Variants in CDC42EP3 observed in about 807,000 individuals in gnomAD.
The protein encoded by CDC42EP3 is CDC42 effector protein (Rho GTPase binding) 3.
In CDC42EP3, 4 loss-of-function variants were observed where a neutral mutation model predicts 15.5. The ratio of observed to expected loss-of-function variants is 0.26; its 90% CI spans 0.13 to 0.59. The LOEUF is 0.59. Among genes scored for constraint, CDC42EP3 ranks in the 20% least tolerant of loss-of-function variants. The pLI, the probability that CDC42EP3 is intolerant of heterozygous loss-of-function variation, is 0.89. For missense variants in CDC42EP3, 309 were observed against 311.2 expected (o/e 0.99, Z 0.05); for synonymous variants, 145 against 130.3 (o/e 1.11, Z -0.77).
chr2:37,657,702 T>C (rs1043138344), intron 1 of CDC42EP3, among the ~76,000 whole-genome samples: 1 of 152,228 alleles, frequency 6.6e-6, no homozygotes, highest in Admixed American at 6.5e-5. Context: ...CCTATTCATT[T>C]ATGTACTGTC....
chr2:37,665,865 G>GA (rs11393221), intron 1 of CDC42EP3, among the ~76,000 whole-genome samples: 142,936 of 152,194 alleles, frequency 0.94, 67,176 homozygotes, highest in East Asian at 1. Context: ...CTGGCTCACT[G>GA]TTCTGGAGCC....
At chr2:37,666,152 G>A (rs566342171) in intron 1 of CDC42EP3, among the ~76,000 whole-genome samples, 2 of 152,096 alleles carry the variant, frequency 1.3e-5, no homozygotes, top group African/African-American at 4.8e-5. Context: ...GGGTTGCTTC[G>A]GCTCTGTAGG....
intron 1 of CDC42EP3, among the ~76,000 whole-genome samples, chr2:37,652,174 CAAAAAAAAAAAAAA>C (rs61407687): frequency 7.7e-5 from 3 of 39,128 alleles, no homozygotes; most frequent in African/African-American, 3.6e-4. Context: ...GACTCCCTCT[CAAAAAAAAAAAAAA>C]AAAAAAAAAA....
Position 37,642,620 on chromosome 2 carries a change from A to AT in CDC42EP3, c.*3202dup. The AT allele has an allele frequency of 6.6e-6, 1 of 152,342 alleles. No homozygotes were observed. The allele number at this position is 152,342 out of a possible 1,614,324, so 9.4% of individuals were successfully genotyped here. A position where few individuals can be genotyped will look rare whatever the true frequency, so the allele number is the denominator to read the frequency against. Reference sequence around the variant, plus strand: ...TGTTTATATATTTCACAGTAAAATGATTCAGTCTTGCCAGGTTCCATATTA... The same window carrying AT: ...TGTTTATATATTTCACAGTAAAATGATTTCAGTCTTGCCAGGTTCCATATTA... On this transcript the variant is annotated 3_prime_UTR_variant, in exon 2 of 2. Coordinates refer to ENST00000295324, the MANE Select transcript of CDC42EP3 (RefSeq NM_006449.5).
chr2:37,662,991 C>G (rs1666118183), intron 1 of CDC42EP3, among the ~76,000 whole-genome samples: 1 of 152,176 alleles, frequency 6.6e-6, no homozygotes, highest in Admixed American at 6.5e-5. Flanking sequence ...ACGGTGAAAG[C>G]CAGTCTCTAC....
intron 1 of CDC42EP3, among the ~76,000 whole-genome samples, chr2:37,667,544 C>G (rs1666283773): frequency 6.6e-6 from 1 of 152,150 alleles, no homozygotes; most frequent in South Asian, 2.1e-4. Context: ...CACATTTTCA[C>G]CTAGTAAATC....
intron 1 of CDC42EP3, among the ~76,000 whole-genome samples, chr2:37,657,771 A>T: frequency 6.6e-6 from 1 of 152,132 alleles, no homozygotes; most frequent in East Asian, 1.9e-4. Context: ...GATATTTGGC[A>T]ATGTCTGGGA....
chr2:37,651,760 G>A (rs976983906), intron 1 of CDC42EP3, among the ~76,000 whole-genome samples: 1 of 152,192 alleles, frequency 6.6e-6, no homozygotes, highest in African/African-American at 2.4e-5. Context: ...AGGTGGAATC[G>A]CCTGGGCCCG....
rs1024381283 is a variant in CDC42EP3 at position 37,643,597 on chromosome 2, C to T, written c.*2226G>A. The stretch of plus-strand genomic sequence containing the variant: ...GTAGAGCTAATGCACAGCCATACTC[C>T]TCCCCTTTTCATGAAATAGTTTCAT... On this transcript the variant is annotated 3_prime_UTR_variant, in exon 2 of 2. Transcript: ENST00000295324. 6.6e-6 allele frequency: 1 copy of T among 152,216 alleles called. No homozygotes were observed. The highest frequency in any genetic ancestry group is 2.4e-5 in the African/African-American group (1 of 41,442). The allele number at this position is 152,216 out of a possible 1,614,324, so 9.4% of individuals were successfully genotyped here. A position where few individuals can be genotyped will look rare whatever the true frequency, so the allele number is the denominator to read the frequency against.
intron 1 of CDC42EP3, among the ~76,000 whole-genome samples, chr2:37,652,032 G>A (rs1225653200): frequency 2.0e-5 from 3 of 151,644 alleles, no homozygotes; most frequent in South Asian, 2.1e-4. Flanking sequence ...AAAATTAGCC[G>A]GGCCTGGTGG....
intron 1 of CDC42EP3, among the ~76,000 whole-genome samples, chr2:37,653,724 A>G (rs1339455203): frequency 6.6e-6 from 1 of 152,060 alleles, no homozygotes; most frequent in Non-Finnish European, 1.5e-5. Context: ...TTTGCCTACT[A>G]ATTGTTTTTA....
intron 1 of CDC42EP3, among the ~76,000 whole-genome samples, chr2:37,652,349 A>C (rs957564440): frequency 2.0e-5 from 3 of 152,090 alleles, no homozygotes; most frequent in African/African-American, 7.2e-5. Context: ...CTGGGAAAAG[A>C]GAAAAGGAGG....
chr2:37,646,606 C>G lies in CDC42EP3; in HGVS notation c.-19G>C. 1 of 1,523,872 alleles carries G rather than the reference C, an allele frequency of 6.6e-7. No homozygotes were observed. Among genetic ancestry groups the G allele is most frequent in the South Asian group, 1.3e-5 (1 of 75,196 alleles). The allele number at this position is 1,523,872 out of a possible 1,614,324, so 94.4% of individuals were successfully genotyped here. On this transcript the variant is annotated 5_prime_UTR_variant, in exon 2 of 2. Coordinates refer to ENST00000295324, the MANE Select transcript of CDC42EP3 (RefSeq NM_006449.5). ...CTGGCATTTTGGAATTTGAGAATGTCTATTTTGCAAGCGGGAGAAAGGGCC... is the reference window on the plus strand; with the variant it reads ...CTGGCATTTTGGAATTTGAGAATGTGTATTTTGCAAGCGGGAGAAAGGGCC...
rs770911492 is a variant in CDC42EP3, at chr2:37,646,339, C to T, written c.249G>A (p.Glu83=). The T allele has an allele frequency of 9.3e-6, 15 of 1,613,920 alleles. No individual in the cohort carries two copies. The African/African-American group carries it at 1.5e-4, about 16-fold the overall frequency. ...CCGAGGTGCTGTTGGCCCGGAAGAACTCATTATGCCCAGGGAACTGGCCCA... is the reference window on the plus strand; with the variant it reads ...CCGAGGTGCTGTTGGCCCGGAAGAATTCATTATGCCCAGGGAACTGGCCCA... The part of the protein sequence containing the change: ...AHLGQFPGHN[E]FFRANSTSDS... Residue 83 remains glutamate (E), a synonymous_variant, in exon 2 of 2, where the codon GAG becomes GAA. Transcript: ENST00000295324.
chr2:37,656,988 CCACCCCCCG>C (rs1378714298), intron 1 of CDC42EP3, among the ~76,000 whole-genome samples: 2 of 84,080 alleles, frequency 2.4e-5, no homozygotes, highest in African/African-American at 1.1e-4. Context: ...AGCCCCCCCC[CCACCCCCCG>C]CCCCCCGCCA....
chr2:37,665,148 T>C (rs367747422), intron 1 of CDC42EP3, among the ~76,000 whole-genome samples: 98 of 151,890 alleles, frequency 6.5e-4, no homozygotes, highest in Admixed American at 1.7e-3. Flanking sequence ...TAAAGATAAC[T>C]TAAATGTAGT....
At chr2:37,667,382 T>C (rs897504887) in intron 1 of CDC42EP3, among the ~76,000 whole-genome samples, 1 of 152,146 alleles carries the variant, frequency 6.6e-6, no homozygotes, top group Admixed American at 6.5e-5. Context: ...AAGGAGGGGA[T>C]TGTCCACAGG....
chr2:37,669,107 T>C (rs1666328714), intron 1 of CDC42EP3, among the ~76,000 whole-genome samples: 1 of 151,230 alleles, frequency 6.6e-6, no homozygotes, highest in Non-Finnish European at 1.5e-5. Context: ...TGAATAACAA[T>C]AATAATAATA....
chr2:37,658,028 G>A (rs1201403220), intron 1 of CDC42EP3, among the ~76,000 whole-genome samples: 9 of 152,176 alleles, frequency 5.9e-5, no homozygotes, highest in Admixed American at 5.9e-4. Context: ...TATTAACTGA[G>A]CCCTTACAGA....
Sources: gnomAD v4.1 joint callset for allele counts (sites outside exome capture counted in the v4.1 genomes callset) on GRCh38, gnomAD v4.1.1 for gene constraint, MANE v1.5 for transcripts, NCBI Gene and HGNC (gene_info 2026-07-23, HGNC 2026-07-21) for gene names.